Variants in CAMK1D observed in about 807,000 individuals in gnomAD.
The protein encoded by CAMK1D is calcium/calmodulin dependent protein kinase ID.
CAMK1D carries 9 observed loss-of-function variants against 47.7 expected under a neutral mutation model. The observed-to-expected ratio is 0.19, with a 90% CI of 0.11 to 0.33. CAMK1D has a LOEUF of 0.33. Among genes scored for constraint, CAMK1D ranks in the 10% least tolerant of loss-of-function variants. The pLI, the probability that CAMK1D is intolerant of heterozygous loss-of-function variation, is 1.00. For synonymous variants in CAMK1D, 184 were observed against 184.9 expected (o/e 0.99, Z 0.04); for missense variants, 291 against 488.7 (o/e 0.60, Z 3.81).
At position 12,544,860 on chromosome 10, in the gene CAMK1D, A is replaced by G. The variant is rs531951698; in HGVS notation, c.93-8365A>G. Reference sequence around the variant, plus strand: ...TGGATAGTACTAGTGTTGAGTGGATAGTACTAGTGTTGAGTGGATGGTACT... The same window carrying G: ...TGGATAGTACTAGTGTTGAGTGGATGGTACTAGTGTTGAGTGGATGGTACT... On this transcript the variant is annotated intron_variant, in intron 1 of 10. Coordinates refer to ENST00000619168, the MANE Select transcript of CAMK1D (RefSeq NM_153498.4). 3.0e-4 allele frequency among the ~76,000 whole-genome samples: 40 copies of G among 132,330 alleles called. No homozygotes were observed. The South Asian group carries it at 4.6e-3, about 15-fold the overall frequency. The allele number at this position is 132,330 out of a possible 152,430, so 86.8% of individuals were successfully genotyped here.
Position 12,659,982 on chromosome 10 carries a change from C to T in CAMK1D, c.225-6754C>T, listed in dbSNP as rs1588748609. Among the ~76,000 whole-genome samples the T allele has an allele frequency of 1.3e-5, 2 of 152,178 alleles. 1 individual carries two copies. The highest frequency in any genetic ancestry group is 3.8e-4 in the East Asian group (2 of 5,198). ...GCAGGGCAATCTGTGCCTCGCTATC[C>T]CCACCTCATCCTCTCTTATAATCAG... is the stretch of plus-strand genomic sequence containing the variant. On this transcript the variant is annotated intron_variant, in intron 2 of 10. Coordinates refer to ENST00000619168, the MANE Select transcript of CAMK1D (RefSeq NM_153498.4).
chr10:12,719,356 G>A (rs1031335829), intron 3 of CAMK1D, among the ~76,000 whole-genome samples: 6 of 151,046 alleles, frequency 4.0e-5, no homozygotes, highest in Admixed American at 3.9e-4. Flanking sequence ...GCAGTGAGCC[G>A]AGATCACACC....
intron 1 of CAMK1D, among the ~76,000 whole-genome samples, chr10:12,449,874 C>G (rs1019979094): frequency 9.9e-5 from 15 of 152,170 alleles, no homozygotes; most frequent in Admixed American, 9.2e-4. Context: ...TGGCAGGCGC[C>G]TGTAATCCCA....
At chr10:12,526,248 T>G (rs1168368040) in intron 1 of CAMK1D, among the ~76,000 whole-genome samples, 1 of 152,242 alleles carries the variant, frequency 6.6e-6, no homozygotes, top group Non-Finnish European at 1.5e-5. Context: ...TTTCAAAGCC[T>G]TTGCTATGCT....
At chr10:12,654,711 T>G (rs918444905) in intron 2 of CAMK1D, among the ~76,000 whole-genome samples, 2 of 152,218 alleles carry the variant, frequency 1.3e-5, no homozygotes, top group Non-Finnish European at 2.9e-5. Context: ...ACCCTGGATC[T>G]TAACCTTTAA....
intron 1 of CAMK1D, among the ~76,000 whole-genome samples, chr10:12,381,988 C>T (rs1838361848): frequency 6.6e-6 from 1 of 152,076 alleles, no homozygotes; most frequent in African/African-American, 2.4e-5. Flanking sequence ...GTGGGTTTTT[C>T]CACACCAGTC....
chr10:12,415,455 ATTT>A (rs5783266), intron 1 of CAMK1D, among the ~76,000 whole-genome samples: 2 of 93,138 alleles, frequency 2.1e-5, no homozygotes, highest in Non-Finnish European at 2.1e-5. Flanking sequence ...CGCCTGGCTA[ATTT>A]TTTTTTTTTT....
At chr10:12,466,120 C>G (rs1833581208) in intron 1 of CAMK1D, among the ~76,000 whole-genome samples, 1 of 151,778 alleles carries the variant, frequency 6.6e-6, no homozygotes, top group South Asian at 2.1e-4. Context: ...GAGTTCGAGA[C>G]TAGCCTGGGC....
intron 1 of CAMK1D, among the ~76,000 whole-genome samples, chr10:12,350,641 G>T (rs1837326466): frequency 6.6e-6 from 1 of 152,220 alleles, no homozygotes; most frequent in Admixed American, 6.5e-5. Context: ...ATCCGAAGTC[G>T]ATGGCAGGAA....
At chr10:12,434,962 A>C (rs1832585437) in intron 1 of CAMK1D, among the ~76,000 whole-genome samples, 1 of 152,178 alleles carries the variant, frequency 6.6e-6, no homozygotes, top group African/African-American at 2.4e-5. Flanking sequence ...TCACACTGGT[A>C]ATCCCAGCAC....
rs1007829303 is a variant in CAMK1D, at chr10:12,547,721, A to G, written c.93-5504A>G. Reference sequence around the variant, plus strand: ...ACACACCACTGTGTTATGTAATTACATAGAAAGTGCTCAAACTGTTCATTC... The same window carrying G: ...ACACACCACTGTGTTATGTAATTACGTAGAAAGTGCTCAAACTGTTCATTC... On this transcript the variant is annotated intron_variant, in intron 1 of 10. Coordinates refer to ENST00000619168, the MANE Select transcript of CAMK1D (RefSeq NM_153498.4). Among the ~76,000 whole-genome samples the G allele has an allele frequency of 2.2e-5, 3 of 135,084 alleles. No homozygotes were observed. In the Admixed American group the frequency reaches 2.4e-4, roughly 11 times the overall value. 88.6% of individuals were successfully genotyped at this position (135,084 alleles called of 152,430 possible).
chr10:12,624,316 T>C (rs1839137745), intron 2 of CAMK1D, among the ~76,000 whole-genome samples: 1 of 152,198 alleles, frequency 6.6e-6, no homozygotes, highest in East Asian at 1.9e-4. Flanking sequence ...TATTGTTGAC[T>C]ACAGTACAAT....
intron 2 of CAMK1D, among the ~76,000 whole-genome samples, chr10:12,591,338 A>C (rs755183148): frequency 6.6e-6 from 1 of 152,168 alleles, no homozygotes; most frequent in Non-Finnish European, 1.5e-5. Context: ...GTGACTTCCA[A>C]CTTCGGACCA....
At chr10:12,712,908 T>C (rs759709015) in intron 3 of CAMK1D, among the ~76,000 whole-genome samples, 6 of 152,084 alleles carry the variant, frequency 3.9e-5, no homozygotes, top group African/African-American at 7.2e-5. Context: ...GCCAGCTTCA[T>C]TGTCAGTTCC....
At chr10:12,548,427 A>G (rs1836467286) in intron 1 of CAMK1D, among the ~76,000 whole-genome samples, 1 of 149,212 alleles carries the variant, frequency 6.7e-6, no homozygotes, top group African/African-American at 2.5e-5. Flanking sequence ...TATACATAAC[A>G]TAAACTTTAC....
At chr10:12,639,559 A>G (rs560010918) in intron 2 of CAMK1D, among the ~76,000 whole-genome samples, 162 of 152,052 alleles carry the variant, frequency 1.1e-3, no homozygotes, top group African/African-American at 3.8e-3. Flanking sequence ...TTTTTTTTTT[A>G]AATTTAATTT....
At chr10:12,814,082 C>A in intron 6 of CAMK1D, 113 bp from the exon 7 acceptor site, 2 of 709,640 alleles carry the variant, frequency 2.8e-6, no homozygotes, top group Non-Finnish European at 4.9e-6. Flanking sequence ...AGCCACTGTG[C>A]CTTGCCAGAT....
Position 12,830,046 on chromosome 10 carries a change from C to A in CAMK1D, c.*1159C>A, listed in dbSNP as rs991652652. ...CCAGACTTGCTGTGAGTGAGATGCCCACACTGCAGAGATGCAGGACCCTCC... is the reference window on the plus strand; with the variant it reads ...CCAGACTTGCTGTGAGTGAGATGCCAACACTGCAGAGATGCAGGACCCTCC... On this transcript the variant is annotated 3_prime_UTR_variant, in exon 11 of 11. Transcript: ENST00000619168. 6.6e-6 allele frequency: 1 copy of A among 152,068 alleles called. No individual in the cohort carries two copies. Among genetic ancestry groups the A allele is most frequent in the Non-Finnish European group, 1.5e-5 (1 of 68,034 alleles). 9.4% of individuals were successfully genotyped at this position (152,068 alleles called of 1,614,324 possible).
At chr10:12,649,486 G>A (rs1588732697) in intron 2 of CAMK1D, among the ~76,000 whole-genome samples, 1 of 152,302 alleles carries the variant, frequency 6.6e-6, no homozygotes, top group African/African-American at 2.4e-5. Context: ...CAAGGTGTTT[G>A]TTGTTAAAGA....
Sources: gnomAD v4.1 joint callset for allele counts (sites outside exome capture counted in the v4.1 genomes callset) on GRCh38, gnomAD v4.1.1 for gene constraint, MANE v1.5 for transcripts, NCBI Gene and HGNC (gene_info 2026-07-23, HGNC 2026-07-21) for gene names.